Variants in PLRG1 observed in about 807,000 individuals in gnomAD.
PLRG1 encodes pleiotropic regulator 1, also known as pleiotropic regulator 1 (PRL1 homolog, Arabidopsis).
A neutral mutation model predicts 74.9 loss-of-function variants in PLRG1; 28 were observed. The ratio of observed to expected loss-of-function variants is 0.37; its 90% confidence interval spans 0.28 to 0.51. The LOEUF is 0.51. Among genes scored for constraint, PLRG1 ranks in the 20% least tolerant of loss-of-function variants. The probability of loss-of-function intolerance (pLI) is 0.91; values close to 1 mark genes in which losing one functional copy is unlikely to be tolerated. For synonymous variants in PLRG1, 197 were observed against 212.4 expected (o/e 0.93, Z 0.63); for missense variants, 445 against 631.9 (o/e 0.70, Z 3.17).
In PLRG1 at chr4:154,537,952, TA is replaced by T. The variant is rs1560805800; in HGVS notation, c.1291+16del. On this transcript the variant is annotated intron_variant, in intron 13 of 14. Transcript: ENST00000499023. Reference sequence around the variant, plus strand: ...AATAACAGACTAAACATATTTATTATAAAAATCTTATTTTACCTCCAGATAC... The same window carrying T: ...AATAACAGACTAAACATATTTATTATAAAATCTTATTTTACCTCCAGATAC... The T allele has an allele frequency of 2.2e-6, 3 of 1,370,572 alleles. No individual in the cohort carries two copies. Among genetic ancestry groups the T allele is most frequent in the Non-Finnish European group, 1.0e-6 (1 of 1,003,884 alleles). 84.9% of individuals were successfully genotyped at this position (1,370,572 alleles called of 1,614,324 possible).
chr4:154,544,197 G>T (rs958821938), intron 7 of PLRG1, among the ~76,000 whole-genome samples: 16 of 151,970 alleles, frequency 1.1e-4, no homozygotes, highest in Admixed American at 7.2e-4. Flanking sequence ...TATTTAGTCT[G>T]CCATCCATAT....
intron 10 of PLRG1, chr4:154,540,378 G>C: frequency 5.1e-6 from 3 of 586,708 alleles, no homozygotes; most frequent in Non-Finnish European, 9.0e-6. Context: ...TCACATTTCA[G>C]GGGCAGGGCA....
intron 11 of PLRG1, 146 bp downstream of exon 11, chr4:154,539,805 A>G (rs1729522827): frequency 1.6e-6 from 1 of 643,962 alleles, no homozygotes; most frequent in East Asian, 2.7e-5. Context: ...ATTTGAATAC[A>G]TTTCAATTGT....
Position 154,545,836 on chromosome 4 carries a change from T to G in PLRG1, c.492A>C (p.Ser164=), listed in dbSNP as rs1017517940. 3 of 1,586,296 alleles carry G rather than the reference T, an allele frequency of 1.9e-6. No individual in the cohort carries two copies. The African/African-American group carries it at 4.1e-5, about 21-fold the overall frequency. ...TGCTATTTGATGCAGAAAAACTTACTGAATTCATCGCTGTAGGCTGTGGAC... is the reference window on the plus strand; with the variant it reads ...TGCTATTTGATGCAGAAAAACTTACGGAATTCATCGCTGTAGGCTGTGGAC... ...SDRPQPTAMN[S]IVMETGNTKN... The change falls in exon 6 of 15, where the codon TCA becomes TCC. Residue 164 remains serine (S), a splice_region_variant and synonymous_variant. Coordinates refer to ENST00000499023, the MANE Select transcript of PLRG1 (RefSeq NM_002669.4).
At chr4:154,548,678 A>C (rs1729702262) in intron 2 of PLRG1, 151 bp downstream of exon 2, 1 of 551,994 alleles carries the variant, frequency 1.8e-6, no homozygotes. Context: ...AAAAAAAGTT[A>C]AATCAGCTTA....
intron 13 of PLRG1, 65 bp downstream of exon 13, chr4:154,537,904 G>A (rs1415893581): frequency 3.2e-6 from 3 of 930,278 alleles, no homozygotes; most frequent in Non-Finnish European, 1.6e-6. Context: ...CATTACAAAT[G>A]TTTATTCATC....
intron 12 of PLRG1, 140 bp from the exon 13 acceptor site, chr4:154,538,248 G>A: frequency 2.3e-6 from 1 of 442,032 alleles, no homozygotes; most frequent in Non-Finnish European, 4.1e-6. Flanking sequence ...GTATCAAAAT[G>A]TAAAAATATT....
At chr4:154,544,217 T>G (rs777513260) in intron 7 of PLRG1, among the ~76,000 whole-genome samples, 13 of 152,232 alleles carry the variant, frequency 8.5e-5, no homozygotes, top group South Asian at 4.1e-4. Flanking sequence ...TTTAGTAGCT[T>G]TATCTTGACA....
chr4:154,540,614 T>C lies in PLRG1; in HGVS notation c.919A>G (p.Ser307Gly), dbSNP rs1345033087. ...TTTACCCGTGCAGTTGAATCTCGAC[T>C]ACAGGTTACCAACACATCGATTGTC... ...HPTIDVLVTC[S>G]RDSTARIWDV... Residue 307 changes from serine to glycine, a missense_variant, in exon 10 of 15, where the codon AGT becomes GGT. Transcript: ENST00000499023. 6.2e-7 allele frequency: 1 copy of C among 1,611,990 alleles called. No individual in the cohort carries two copies. Among genetic ancestry groups the C allele is most frequent in the Non-Finnish European group, 8.5e-7 (1 of 1,178,090 alleles).
At chr4:154,538,860 G>T (rs569423150) in intron 12 of PLRG1, among the ~76,000 whole-genome samples, 2 of 152,058 alleles carry the variant, frequency 1.3e-5, no homozygotes, top group Non-Finnish European at 2.9e-5. Flanking sequence ...ATTTAATCAT[G>T]ATTTACACTG....
At chr4:154,543,049 T>C (rs1014028517) in intron 7 of PLRG1, among the ~76,000 whole-genome samples, 6 of 152,220 alleles carry the variant, frequency 3.9e-5, no homozygotes, top group Non-Finnish European at 7.3e-5. Flanking sequence ...TAATTTATTG[T>C]ATATTTCAAA....
intron 2 of PLRG1, 122 bp downstream of exon 2, chr4:154,548,707 C>A: frequency 1.7e-6 from 1 of 598,844 alleles, no homozygotes; most frequent in South Asian, 2.0e-5. Context: ...CAAAACACCA[C>A]TCATTATTGA....
At position 154,550,361 on chromosome 4, in the gene PLRG1, C is replaced by T. The variant is rs913002446; in HGVS notation, c.-53G>A. Reference sequence around the variant, plus strand: ...AGGGAAGAAACTCTAATCACTAACGCAGTACCCGCCGCCACAGCTGTGCAG... The same window carrying T: ...AGGGAAGAAACTCTAATCACTAACGTAGTACCCGCCGCCACAGCTGTGCAG... On this transcript the variant is annotated 5_prime_UTR_variant, in exon 1 of 15. Coordinates refer to ENST00000499023, the MANE Select transcript of PLRG1 (RefSeq NM_002669.4). 55 of 1,565,428 alleles carry T rather than the reference C, an allele frequency of 3.5e-5. No individual in the cohort carries two copies. The highest frequency in any genetic ancestry group is 4.5e-5 in the Non-Finnish European group (51 of 1,136,366).
chr4:154,536,698 C>T lies in PLRG1; in HGVS notation c.1532G>A (p.Arg511Lys), dbSNP rs1729459204. ...ATTCCACATTCATTAAAATCTCTTT[C>T]TCTTGATAATTTCTGGTTTCCAGCT... ...PVSWKPEIIK[R>K]KRF is the part of the protein sequence containing the mutation. Residue 511 changes from arginine (R) to lysine (K), a missense_variant, in exon 15 of 15, where the codon AGA becomes AAA. By Grantham distance (26) the Arg-to-Lys change is conservative. Around this residue, in one of 3 missense-constraint regions of PLRG1, gnomAD observed 221 missense variants for 377.7 expected, o/e 0.59. Coordinates refer to ENST00000499023, the MANE Select transcript of PLRG1 (RefSeq NM_002669.4). 2 of 1,500,740 alleles carry T rather than the reference C, an allele frequency of 1.3e-6. No homozygotes were observed. The highest frequency in any genetic ancestry group is 2.3e-5 in the East Asian group (1 of 43,962). The allele number at this position is 1,500,740 out of a possible 1,614,324, so 93.0% of individuals were successfully genotyped here. A position where few individuals can be genotyped will look rare whatever the true frequency, so the allele number is the denominator to read the frequency against.
intron 4 of PLRG1, 119 bp from the exon 5 acceptor site, chr4:154,546,332 T>C (rs1729654819): frequency 3.2e-6 from 2 of 617,808 alleles, no homozygotes; most frequent in Non-Finnish European, 2.9e-6. Context: ...GGCAGTGATA[T>C]TATACAAATT....
chr4:154,537,502 C>A, intron 13 of PLRG1, 23 bp from the exon 14 acceptor site: 1 of 1,561,286 alleles, frequency 6.4e-7, no homozygotes, highest in Admixed American at 1.7e-5. Flanking sequence ...AATCTAGTTA[C>A]ACCTGGTATC....
At chr4:154,538,239 T>C in intron 12 of PLRG1, 131 bp from the exon 13 acceptor site, 1 of 446,220 alleles carries the variant, frequency 2.2e-6, no homozygotes, top group Non-Finnish European at 4.1e-6. Context: ...AAAATAGTCG[T>C]ATCAAAATGT....
chr4:154,540,633 G>A lies in PLRG1; in HGVS notation c.900C>T (p.Ile300=), dbSNP rs1729539644. The A allele has an allele frequency of 8.1e-6, 13 of 1,613,310 alleles. No individual in the cohort carries two copies. The highest frequency in any genetic ancestry group is 2.2e-5 in the East Asian group (1 of 44,886). The change falls in exon 10 of 15, where the codon ATC becomes ATT. Residue 300 remains isoleucine, a synonymous_variant. Transcript: ENST00000499023. Reference sequence around the variant, plus strand: ...CTCGACTACAGGTTACCAACACATCGATTGTCGGGTGCAAATCCAAACCAT... The same window carrying A: ...CTCGACTACAGGTTACCAACACATCAATTGTCGGGTGCAAATCCAAACCAT... ...AVYGLDLHPT[I]DVLVTCSRDS... is the part of the protein sequence containing the mutation.
chr4:154,542,315 A>C (rs778592829), intron 7 of PLRG1, 36 bp from the exon 8 acceptor site: 3 of 1,315,854 alleles, frequency 2.3e-6, no homozygotes, highest in Non-Finnish European at 3.3e-6. Flanking sequence ...AGGCCAACGT[A>C]GAAGTTAAAA....
Sources: gnomAD v4.1 joint callset for allele counts (sites outside exome capture counted in the v4.1 genomes callset) on GRCh38, gnomAD v4.1.1 for gene constraint, gnomAD v4.1.1 regional missense constraint, MANE v1.5 for transcripts, NCBI Gene and HGNC (gene_info 2026-07-23, HGNC 2026-07-21) for gene names.